The following SDK1 variants were observed in gnomAD, a reference collection of about 807,000 sequenced individuals.
The protein encoded by SDK1 is sidekick cell adhesion molecule 1.
In SDK1, 157 loss-of-function variants were observed where a neutral mutation model predicts 245.5. The ratio of observed to expected loss-of-function variants is 0.64; its 90% CI spans 0.56 to 0.73. The LOEUF is 0.73. SDK1 is among the 30% of genes least tolerant of loss of function. SDK1 has a pLI of 0.00. For synonymous variants in SDK1, 1,647 were observed against 1,278.5 expected (o/e 1.29, Z -6.15); for missense variants, 3,583 against 3,002.3 (o/e 1.19, Z -4.52).
intron 9 of SDK1, among the ~76,000 whole-genome samples, chr7:3,965,633 G>A (rs998292185): frequency 2.6e-5 from 4 of 152,160 alleles, no homozygotes; most frequent in African/African-American, 9.7e-5. Flanking sequence ...ACACGGCTGT[G>A]AGGAAGACAG....
chr7:3,423,698 C>G (rs1396679658), intron 1 of SDK1, among the ~76,000 whole-genome samples: 1 of 151,522 alleles, frequency 6.6e-6, no homozygotes, highest in African/African-American at 2.4e-5. Context: ...CTTTTGATAT[C>G]TGAATGGATT....
intron 20 of SDK1, among the ~76,000 whole-genome samples, chr7:4,069,968 C>A (rs541663966): frequency 6.6e-6 from 1 of 152,194 alleles, no homozygotes; most frequent in African/African-American, 2.4e-5. Context: ...GAACCATGCT[C>A]TGAACCCCAC....
intron 44 of SDK1, among the ~76,000 whole-genome samples, chr7:4,249,042 T>C (rs1382339521): frequency 1.4e-5 from 2 of 144,920 alleles, no homozygotes; most frequent in African/African-American, 2.9e-5. Flanking sequence ...CACATATGCA[T>C]ATACACCTAA....
intron 1 of SDK1, among the ~76,000 whole-genome samples, chr7:3,457,192 T>A (rs1419297913): frequency 6.6e-6 from 1 of 152,130 alleles, no homozygotes; most frequent in Non-Finnish European, 1.5e-5. Context: ...GAGCCTGCCT[T>A]AGCTGCTGCC....
At chr7:3,982,322 C>T (rs1021871220) in intron 13 of SDK1, among the ~76,000 whole-genome samples, 3 of 152,154 alleles carry the variant, frequency 2.0e-5, no homozygotes, top group African/African-American at 7.2e-5. Context: ...CATGCTAGAG[C>T]TTTGATGGGA....
chr7:3,728,160 G>A (rs1779070506), intron 4 of SDK1, among the ~76,000 whole-genome samples: 1 of 152,216 alleles, frequency 6.6e-6, no homozygotes, highest in Admixed American at 6.5e-5. Flanking sequence ...CATCAGCATG[G>A]CGTGTCACTG....
chr7:3,504,595 C>T (rs549030773), intron 1 of SDK1, among the ~76,000 whole-genome samples: 7 of 152,170 alleles, frequency 4.6e-5, no homozygotes, highest in African/African-American at 1.7e-4. Flanking sequence ...TGTGCTGGGA[C>T]AACTGGATAT....
chr7:3,702,819 G>T (rs1415297733), intron 4 of SDK1, among the ~76,000 whole-genome samples: 1 of 152,150 alleles, frequency 6.6e-6, no homozygotes, highest in Non-Finnish European at 1.5e-5. Context: ...TTTTGCAAAA[G>T]AGGGTCTGTA....
intron 33 of SDK1, among the ~76,000 whole-genome samples, chr7:4,174,872 C>T (rs984810460): frequency 5.3e-5 from 8 of 152,114 alleles, no homozygotes; most frequent in East Asian, 3.9e-4. Context: ...TGGAGAGGGA[C>T]GGCTGCCCTG....
At chr7:4,080,001 C>T (rs1349545630) in intron 22 of SDK1, among the ~76,000 whole-genome samples, 1 of 152,198 alleles carries the variant, frequency 6.6e-6, no homozygotes, top group African/African-American at 2.4e-5. Context: ...GTTCTATCAG[C>T]AGGCACTATT....
At chr7:3,622,572 A>T (rs1781975658) in intron 2 of SDK1, among the ~76,000 whole-genome samples, 1 of 152,224 alleles carries the variant, frequency 6.6e-6, no homozygotes, top group Non-Finnish European at 1.5e-5. Context: ...TTTCAGAATT[A>T]TAAGACAACT....
intron 1 of SDK1, among the ~76,000 whole-genome samples, chr7:3,399,402 G>T (rs771830081): frequency 6.6e-6 from 1 of 152,018 alleles, no homozygotes; most frequent in African/African-American, 2.4e-5. Flanking sequence ...TAAAGTTTAC[G>T]TCTTAAGTTC....
intron 32 of SDK1, among the ~76,000 whole-genome samples, chr7:4,169,491 A>G (rs1001976496): frequency 3.3e-5 from 5 of 152,146 alleles, no homozygotes; most frequent in Admixed American, 2.6e-4. Flanking sequence ...TCCTCCTCCA[A>G]GGGCAGCTCA....
chr7:3,655,420 C>A (rs530154195), intron 4 of SDK1, among the ~76,000 whole-genome samples: 1 of 130,098 alleles, frequency 7.7e-6, no homozygotes, highest in South Asian at 2.5e-4. Context: ...GCAACAAGAG[C>A]GCAACTGTCT....
Position 4,265,805 on chromosome 7 carries a change from C to G in SDK1, c.*421C>G, listed in dbSNP as rs1320161088. 2.0e-6 allele frequency: 2 copies of G among 1,003,452 alleles called. No individual in the cohort carries two copies. The highest frequency in any genetic ancestry group is 3.5e-5 in the African/African-American group (2 of 57,784). 62.2% of individuals were successfully genotyped at this position (1,003,452 alleles called of 1,614,324 possible). On this transcript the variant is annotated 3_prime_UTR_variant, in exon 45 of 45. Coordinates refer to ENST00000404826, the MANE Select transcript of SDK1 (RefSeq NM_152744.4). ...GCCGGCCCCCGTCTCTTTCTACCTC[C>G]TCTTCCAGAGAACCAGCGGCTCACA...
chr7:4,190,277 T>C (rs1033140835), intron 35 of SDK1, among the ~76,000 whole-genome samples: 1 of 152,220 alleles, frequency 6.6e-6, no homozygotes, highest in Non-Finnish European at 1.5e-5. Flanking sequence ...CTGTCATTTC[T>C]GCGGCCACAG....
intron 4 of SDK1, among the ~76,000 whole-genome samples, chr7:3,684,964 C>CACA (rs1171897289): frequency 6.6e-6 from 1 of 151,940 alleles, no homozygotes; most frequent in Non-Finnish European, 1.5e-5. Context: ...ATAGATTGGA[C>CACA]ACAACAACAA....
In SDK1 at chr7:4,016,467, A is replaced by G. The variant is rs115911438; in HGVS notation, c.2421-704A>G. Among the ~76,000 whole-genome samples the G allele has an allele frequency of 5.0e-3, 762 of 152,320 alleles. 6 individuals carry two copies. Among genetic ancestry groups the G allele is most frequent in the African/African-American group, 0.018 (730 of 41,572 alleles). ...AACATATGCTAATCAAAATAATACA[A>G]TGCAAATCTTCTCACAGTACACACA... On this transcript the variant is annotated intron_variant, in intron 16 of 44. Transcript: ENST00000404826.
rs907473471 is a variant in SDK1, at chr7:4,106,612, C to T, written c.3325-4051C>T. On this transcript the variant is annotated intron_variant, in intron 22 of 44. Transcript: ENST00000404826. ...CGCCCGGCCAGCCCCCGTTTGTGAC[C>T]GTGCAGTGGTTTCCCAGCATCTCTG... 5.3e-5 allele frequency among the ~76,000 whole-genome samples: 8 copies of T among 152,174 alleles called. No individual in the cohort carries two copies. The East Asian group carries it at 1.3e-3, about 26-fold the overall frequency.
Sources: allele counts gnomAD v4.1 joint callset (sites outside exome capture counted in the v4.1 genomes callset), GRCh38; gene constraint gnomAD v4.1.1; transcripts MANE v1.5; gene names NCBI Gene and HGNC (gene_info 2026-07-23, HGNC 2026-07-21).